PCDHA6: variants seen among roughly 807,000 people sequenced by gnomAD.
The protein encoded by PCDHA6 is protocadherin alpha 6, also known as protocadherin alpha-6.
Under a neutral mutation model 60.3 loss-of-function variants are expected in PCDHA6, and 55 were observed. The observed-to-expected ratio is 0.91, with a 90% CI of 0.73 to 1.14. PCDHA6 has a LOEUF of 1.14. PCDHA6 is among the 50% of genes most tolerant of loss of function. PCDHA6 has a pLI of 0.00. For missense variants in PCDHA6, 1,327 were observed against 1,256.5 expected, an observed-to-expected ratio of 1.06 and a Z score of -0.85; for synonymous variants, 652 against 557.9, an observed-to-expected ratio of 1.17 and a Z score of -2.38.
At chr5:140,903,347 A>C (rs1393300562) in intron 1 of PCDHA6, among the ~76,000 whole-genome samples, 2 of 152,228 alleles carry the variant, frequency 1.3e-5, no homozygotes, top group Non-Finnish European at 2.9e-5. Context: ...GCATTTTAAA[A>C]AACAAGTTTT....
chr5:140,873,025 C>T (rs1206957639), intron 1 of PCDHA6, among the ~76,000 whole-genome samples: 1 of 152,148 alleles, frequency 6.6e-6, no homozygotes, highest in African/African-American at 2.4e-5. Context: ...GTTATTCTTA[C>T]TACACGTAGA....
intron 3 of PCDHA6, 85 bp from the exon 4 acceptor site, chr5:141,009,542 T>C: frequency 6.5e-7 from 1 of 1,530,742 alleles, no homozygotes; most frequent in Admixed American, 2.1e-5. Context: ...AGCCTGCCTA[T>C]GCAGTACTCC....
intron 1 of PCDHA6, chr5:140,875,630 G>A: frequency 6.2e-7 from 1 of 1,613,686 alleles, no homozygotes. Context: ...CAGGACCTGG[G>A]GCTGGAGCTG....
At chr5:140,849,879 G>T (rs1554143450) in intron 1 of PCDHA6, 2 of 1,598,636 alleles carry the variant, frequency 1.3e-6, no homozygotes, top group Admixed American at 1.7e-5. Context: ...CGAGTACACG[G>T]TGTTCGTGAA....
At chr5:140,958,746 G>C (rs946339571) in intron 1 of PCDHA6, among the ~76,000 whole-genome samples, 1 of 152,066 alleles carries the variant, frequency 6.6e-6, no homozygotes, top group African/African-American at 2.4e-5. Flanking sequence ...AGAGAGAAAG[G>C]AGATTTTTAC....
chr5:140,921,953 C>A (rs2080517782), intron 1 of PCDHA6, among the ~76,000 whole-genome samples: 3 of 151,116 alleles, frequency 2.0e-5, no homozygotes, highest in African/African-American at 4.9e-5. Flanking sequence ...TTGTAAAATC[C>A]CAGAAAACCA....
chr5:140,897,716 G>A (rs1554187531), intron 1 of PCDHA6, among the ~76,000 whole-genome samples: 1 of 152,144 alleles, frequency 6.6e-6, no homozygotes, highest in African/African-American at 2.4e-5. Context: ...TAATGGGATG[G>A]CTGGGTCAAA....
At chr5:140,839,863 C>T (rs1776446345) in intron 1 of PCDHA6, among the ~76,000 whole-genome samples, 1 of 151,846 alleles carries the variant, frequency 6.6e-6, no homozygotes, top group African/African-American at 2.4e-5. Flanking sequence ...TTGAGGTGGA[C>T]TTTGAAAGAT....
intron 1 of PCDHA6, chr5:140,855,996 A>G (rs2150345731): frequency 6.7e-7 from 1 of 1,503,004 alleles, no homozygotes; most frequent in Non-Finnish European, 9.0e-7. Flanking sequence ...GTCAGATCGT[A>G]TGTGCGTTCT....
At chr5:140,898,466 T>C (rs1331469917) in intron 1 of PCDHA6, among the ~76,000 whole-genome samples, 1 of 152,202 alleles carries the variant, frequency 6.6e-6, no homozygotes, top group Admixed American at 6.5e-5. Context: ...CCATTGCTTG[T>C]TTTTCTCAGG....
intron 1 of PCDHA6, among the ~76,000 whole-genome samples, chr5:140,925,671 A>AATAATAATAATG (rs1445697337): frequency 4.7e-4 from 69 of 148,180 alleles, no homozygotes; most frequent in African/African-American, 1.7e-3. Flanking sequence ...TAATAATAAT[A>AATAATAATAATG]ATAATAAAGC....
At chr5:140,939,011 CT>C (rs1302482579) in intron 1 of PCDHA6, among the ~76,000 whole-genome samples, 3 of 152,262 alleles carry the variant, frequency 2.0e-5, no homozygotes, top group South Asian at 2.1e-4. Flanking sequence ...AGAAGTGTTA[CT>C]TTTCTTTTAC....
At chr5:140,932,247 G>A (rs1463272112) in intron 1 of PCDHA6, among the ~76,000 whole-genome samples, 2 of 151,822 alleles carry the variant, frequency 1.3e-5, no homozygotes, top group Non-Finnish European at 3.0e-5. Context: ...ATCTAAGAGG[G>A]TACCTCTGAG....
chr5:140,884,518 C>G, intron 1 of PCDHA6: 2 of 1,614,054 alleles, frequency 1.2e-6, no homozygotes, highest in Non-Finnish European at 1.7e-6. Context: ...GTTGGTCGTA[C>G]TCGCAGCAGA....
chr5:140,899,384 A>G (rs2067296665), intron 1 of PCDHA6, among the ~76,000 whole-genome samples: 2 of 152,124 alleles, frequency 1.3e-5, no homozygotes, highest in Admixed American at 1.3e-4. Context: ...TAATTTATTG[A>G]GAGTTTTTAG....
intron 1 of PCDHA6, among the ~76,000 whole-genome samples, chr5:140,897,779 G>T (rs1157810079): frequency 6.6e-6 from 1 of 152,138 alleles, no homozygotes; most frequent in Non-Finnish European, 1.5e-5. Flanking sequence ...CTTCCACAAT[G>T]GTTGAACTAG....
At chr5:140,877,864 A>ATATT in intron 1 of PCDHA6, 1 of 1,500,280 alleles carries the variant, frequency 6.7e-7, no homozygotes, top group East Asian at 2.4e-5. Flanking sequence ...TTATTTAGAT[A>ATATT]TATTTGTTTC....
chr5:140,957,513 T>C (rs76093065), intron 1 of PCDHA6, among the ~76,000 whole-genome samples: 3,563 of 152,232 alleles, frequency 0.023, 49 homozygotes, highest in Middle Eastern at 0.034. Flanking sequence ...TTATCCTTGG[T>C]TTCAGACATT....
chr5:140,905,342 TGTAA>T (rs2071759657), intron 1 of PCDHA6, among the ~76,000 whole-genome samples: 1 of 152,234 alleles, frequency 6.6e-6, no homozygotes, highest in Non-Finnish European at 1.5e-5. Context: ...ATCAGTTGGC[TGTAA>T]GTATTTGACT....
Sources: allele counts gnomAD v4.1 joint callset (sites outside exome capture counted in the v4.1 genomes callset), GRCh38; gene constraint gnomAD v4.1.1; transcripts MANE v1.5; gene names NCBI Gene and HGNC (gene_info 2026-07-23, HGNC 2026-07-21).